The following DNAH3 variants were observed in gnomAD, a reference collection of about 807,000 sequenced individuals.
DNAH3 encodes dynein axonemal heavy chain 3.
A neutral mutation model predicts 432.5 loss-of-function variants in DNAH3; 332 were observed. That is an observed-to-expected ratio of 0.77 (90% CI 0.70 to 0.84). The LOEUF is 0.84. Among genes scored for constraint, DNAH3 ranks in the 40% least tolerant of loss-of-function variants. The probability of loss-of-function intolerance (pLI) is 0.00; values close to 1 mark genes in which losing one functional copy is unlikely to be tolerated. For synonymous variants in DNAH3, 1,956 were observed against 1,900.2 expected, an observed-to-expected ratio of 1.03 and a Z score of -0.76; for missense variants, 4,861 against 5,114.0, an observed-to-expected ratio of 0.95 and a Z score of 1.51.
At chr16:21,120,821 C>A in exon 11 of DNAH3, 1 of 1,614,022 alleles carries the variant, frequency 6.2e-7, no homozygotes, top group South Asian at 1.1e-5. Context: ...GCAGCAGCAG[C>A]AGTGAAGGAG....
chr16:21,152,425 C>T (rs1376531623), intron 1 of DNAH3, among the ~76,000 whole-genome samples: 2 of 152,244 alleles, frequency 1.3e-5, no homozygotes, highest in Non-Finnish European at 2.9e-5. Flanking sequence ...TGAGAGGTGA[C>T]AGCGTGCTGG....
chr16:20,954,680 C>G, intron 55 of DNAH3, 133 bp downstream of exon 55: 1 of 970,314 alleles, frequency 1.0e-6, no homozygotes, highest in South Asian at 1.9e-5. Context: ...CCAAATATTG[C>G]CTGGAAAATA....
exon 34 of DNAH3, chr16:21,037,841 TCTC>T: frequency 1.9e-6 from 3 of 1,614,148 alleles, no homozygotes; most frequent in Non-Finnish European, 2.5e-6. Flanking sequence ...ACACTTTCAT[TCTC>T]CTCTGGATAC....
chr16:21,139,320 CTTTTTTTTTTTTTTTTT>C (rs9302391), intron 5 of DNAH3, among the ~76,000 whole-genome samples: 1 of 29,614 alleles, frequency 3.4e-5, no homozygotes, highest in Non-Finnish European at 5.3e-5. Context: ...TTTCCTCATG[CTTTTTTTTTTTTTTTTT>C]TTTTTTTTTT....
chr16:21,032,440 CA>C (rs202112211), intron 36 of DNAH3, among the ~76,000 whole-genome samples: 2,439 of 150,850 alleles, frequency 0.016, 64 homozygotes, highest in African/African-American at 0.056. Flanking sequence ...TATTTAATAA[CA>C]AAAAAAAATC....
rs2152674477 is a variant in DNAH3, at chr16:20,987,941, C to T, written c.6725+1G>A. 6.2e-7 allele frequency: 1 copy of T among 1,614,196 alleles called. No homozygotes were observed. Among genetic ancestry groups the T allele is most frequent in the Non-Finnish European group, 8.5e-7 (1 of 1,180,038 alleles). ...TCCAGGAAGACAGAGAAACCTCTTACCTTAAAAACATCACATCAAACCCTT... is the reference window on the plus strand; with the variant it reads ...TCCAGGAAGACAGAGAAACCTCTTATCTTAAAAACATCACATCAAACCCTT... On this transcript the variant is annotated splice_donor_variant, in intron 45 of 61. Coordinates refer to ENST00000261383, the Ensembl canonical transcript of DNAH3. LOFTEE classifies it high-confidence loss of function.
intron 55 of DNAH3, among the ~76,000 whole-genome samples, chr16:20,952,990 C>T (rs2084383410): frequency 6.6e-6 from 1 of 152,112 alleles, no homozygotes; most frequent in South Asian, 2.1e-4. Flanking sequence ...AAAGAAATGA[C>T]CACTCGTATT....
At chr16:21,102,400 T>C (rs2091858439) in intron 16 of DNAH3, among the ~76,000 whole-genome samples, 1 of 152,208 alleles carries the variant, frequency 6.6e-6, no homozygotes, top group Non-Finnish European at 1.5e-5. Context: ...GCAAAATTGA[T>C]GCCTTGGAAG....
At position 21,128,285 on chromosome 16, in the gene DNAH3, G is replaced by C. The variant is rs181532838; in HGVS notation, c.1083-473C>G. Among the ~76,000 whole-genome samples, 7 of 152,216 alleles carry C rather than the reference G, an allele frequency of 4.6e-5. No homozygotes were observed. The East Asian group carries it at 1.4e-3, about 29-fold the overall frequency. On this transcript the variant is annotated intron_variant, in intron 7 of 61. Transcript: ENST00000261383. ...GAGGACTGCTTTGATTTAAAACAAA[G>C]AGTTTATGGATCCCAGCACTTTGGA...
At chr16:21,143,507 A>T (rs1016737258) in intron 3 of DNAH3, among the ~76,000 whole-genome samples, 3 of 152,188 alleles carry the variant, frequency 2.0e-5, no homozygotes, top group African/African-American at 7.2e-5. Flanking sequence ...GAACCACAAG[A>T]TATGAATTTC....
In DNAH3 at chr16:20,941,542, TC is replaced by T. The variant is rs1237043263; in HGVS notation, c.11512del (p.Glu3838LysfsTer24). 1.2e-6 allele frequency: 2 copies of T among 1,613,986 alleles called. No individual in the cohort carries two copies. The highest frequency in any genetic ancestry group is 2.2e-5 in the South Asian group (2 of 91,032). On this transcript the variant is annotated frameshift_variant and splice_region_variant, in exon 59 of 62. Coordinates refer to ENST00000261383, the Ensembl canonical transcript of DNAH3. LOFTEE classifies it high-confidence loss of function. ...GTCTTGTGCCAACTCCTCAACCACT[TC>T]CTTAAAATGCAGGCAGAAGAGAGGT...
At chr16:21,000,597 T>C (rs1284055823) in intron 42 of DNAH3, 79 bp from the exon 43 acceptor site, 2 of 1,306,092 alleles carry the variant, frequency 1.5e-6, no homozygotes, top group East Asian at 4.6e-5. Context: ...GACCTGGGTT[T>C]ACATTCTAGC....
exon 62 of DNAH3, chr16:20,933,242 T>C (rs757256186): frequency 1.3e-5 from 21 of 1,614,164 alleles, no homozygotes; most frequent in Non-Finnish European, 1.8e-5. Context: ...GGAGAGGACA[T>C]AGTTGGTAGA....
exon 34 of DNAH3, chr16:21,037,903 A>G: frequency 6.2e-7 from 1 of 1,614,206 alleles, no homozygotes; most frequent in Non-Finnish European, 8.5e-7. Flanking sequence ...GACAGCGCGC[A>G]TACCGTAGTC....
At chr16:21,018,409 C>T (rs1242016194) in intron 41 of DNAH3, among the ~76,000 whole-genome samples, 1 of 151,990 alleles carries the variant, frequency 6.6e-6, no homozygotes, top group Non-Finnish European at 1.5e-5. Context: ...TCTTCTATTC[C>T]TTTCTCTGTA....
At chr16:21,072,969 G>T (rs1038271087) in intron 21 of DNAH3, among the ~76,000 whole-genome samples, 126 of 152,016 alleles carry the variant, frequency 8.3e-4, no homozygotes, top group African/African-American at 3.0e-3. Flanking sequence ...TAGGTGTGAG[G>T]CACCAAGCCT....
At chr16:21,019,698 A>T (rs2088055851) in exon 41 of DNAH3, 1 of 1,614,010 alleles carries the variant, frequency 6.2e-7, no homozygotes, top group African/African-American at 1.3e-5. Flanking sequence ...CATGCCCATG[A>T]TCAGGTTGCG....
intron 30 of DNAH3, 55 bp downstream of exon 30, chr16:21,049,855 G>A: frequency 1.4e-6 from 2 of 1,465,314 alleles, no homozygotes; most frequent in Non-Finnish European, 9.6e-7. Context: ...CTTCCCACAG[G>A]AGGGGTGCAG....
intron 44 of DNAH3, among the ~76,000 whole-genome samples, chr16:20,989,494 G>C (rs1041742668): frequency 2.0e-5 from 3 of 152,226 alleles, no homozygotes; most frequent in Non-Finnish European, 4.4e-5. Context: ...CTAAACACAG[G>C]GTGCTGATTG....
Sources: allele counts gnomAD v4.1 joint callset (sites outside exome capture counted in the v4.1 genomes callset), GRCh38; gene constraint gnomAD v4.1.1; transcripts MANE v1.5; gene names NCBI Gene and HGNC (gene_info 2026-07-23, HGNC 2026-07-21).